The following RARB variants were observed in gnomAD, a reference collection of about 807,000 sequenced individuals.
RARB encodes the protein retinoic acid receptor beta.
Under a neutral mutation model 51.9 loss-of-function variants are expected in RARB, and 17 were observed. The observed-to-expected ratio is 0.33, with a 90% confidence interval of 0.22 to 0.49. RARB has a LOEUF of 0.49. Among genes scored for constraint, RARB ranks in the 20% least tolerant of loss-of-function variants. The pLI is 0.99. For synonymous variants in RARB, 215 were observed against 195.4 expected (o/e 1.10, Z -0.84); for missense variants, 369 against 550.8 (o/e 0.67, Z 3.30).
intron 2 of RARB, among the ~76,000 whole-genome samples, chr3:24,870,812 C>A (rs1301775969): frequency 1.2e-4 from 19 of 152,068 alleles, no homozygotes; most frequent in Admixed American, 1.2e-3. Flanking sequence ...TATAGGCATA[C>A]AATGTGTGAT....
intron 2 of RARB, among the ~76,000 whole-genome samples, chr3:25,026,479 T>A (rs754923745): frequency 6.6e-6 from 1 of 152,192 alleles, no homozygotes; most frequent in Non-Finnish European, 1.5e-5. Context: ...GTGGTCTTTT[T>A]TCCTGTGCAC....
In RARB at chr3:25,058,312, G is replaced by A. The variant is rs1698481287; in HGVS notation, c.-379-1813G>A. 3.3e-5 allele frequency among the ~76,000 whole-genome samples: 5 copies of A among 151,912 alleles called. No homozygotes were observed. The South Asian group carries it at 1.0e-3, about 31-fold the overall frequency. On this transcript the variant is annotated intron_variant, in intron 2 of 11. Transcript: ENST00000383772. ...GTATGCTTTGCTTTTGTGTGGTTGG[G>A]TTGTATAAACTCCAAGTGGTGAAAT...
chr3:25,002,704 C>CATAAATCTATATATGTGTCACATATGTAT (rs1697187751), intron 2 of RARB, among the ~76,000 whole-genome samples: 1 of 151,398 alleles, frequency 6.6e-6, no homozygotes, highest in Non-Finnish European at 1.5e-5. Flanking sequence ...CATGTATACA[C>CATAAATCTATATATGTGTCACATATGTAT]ATAAATCTAT....
intron 2 of RARB, among the ~76,000 whole-genome samples, chr3:25,474,620 A>G (rs143760555): frequency 2.0e-5 from 3 of 152,194 alleles, no homozygotes; most frequent in Non-Finnish European, 4.4e-5. Context: ...TCATGATTTC[A>G]TCAAAAACGT....
chr3:25,045,406 CTT>C (rs1344545911), intron 2 of RARB, among the ~76,000 whole-genome samples: 5 of 152,116 alleles, frequency 3.3e-5, no homozygotes, highest in Admixed American at 1.3e-4. Flanking sequence ...CGAGGTAACT[CTT>C]TGTATCTGAG....
intron 2 of RARB, among the ~76,000 whole-genome samples, chr3:24,954,435 T>C (rs1422210379): frequency 1.3e-5 from 2 of 152,172 alleles, no homozygotes; most frequent in African/African-American, 2.4e-5. Context: ...CATGGGAAAT[T>C]ACAACAAAAT....
At chr3:25,243,323 T>C (rs1174699608) in intron 5 of RARB, among the ~76,000 whole-genome samples, 1 of 152,220 alleles carries the variant, frequency 6.6e-6, no homozygotes. Flanking sequence ...CTGATTGCCC[T>C]GACCAGAACT....
rs182865062 is a variant in RARB at position 25,124,128 on chromosome 3, A to G, written c.-327-8033A>G. 3.6e-3 allele frequency among the ~76,000 whole-genome samples: 553 copies of G among 152,284 alleles called. 6 individuals are homozygous for G. Among genetic ancestry groups the G allele is most frequent in the African/African-American group, 0.013 (538 of 41,576 alleles). ...GGTGGCTCACGCCTGTAATCCTAGC[A>G]CTTTGGGAGGCCAAGGTGGGTGGAT... On this transcript the variant is annotated intron_variant, in intron 3 of 11. Transcript: ENST00000383772.
intron 2 of RARB, among the ~76,000 whole-genome samples, chr3:25,494,646 A>G (rs1696933337): frequency 2.0e-5 from 3 of 152,210 alleles, no homozygotes; most frequent in Admixed American, 2.0e-4. Context: ...CCACCTTTGT[A>G]TGCTCCAAGA....
Position 25,070,341 on chromosome 3 carries a change from G to C in RARB, c.-328+10165G>C, listed in dbSNP as rs73149153. On this transcript the variant is annotated intron_variant, in intron 3 of 11. Transcript: ENST00000383772. ...TAGGTCTTAAACCTATCTTTTGGGA[G>C]GGTAGGAGGGAAGAGCGAGTGCATA... Among the ~76,000 whole-genome samples the C allele has an allele frequency of 9.2e-3, 1,395 of 152,318 alleles. 17 individuals carry two copies. Among genetic ancestry groups the C allele is most frequent in the African/African-American group, 0.032 (1,328 of 41,564 alleles).
chr3:25,167,604 CAGA>C (rs1190307199), intron 4 of RARB, among the ~76,000 whole-genome samples: 1 of 152,118 alleles, frequency 6.6e-6, no homozygotes, highest in African/African-American at 2.4e-5. Context: ...TGTAAGTAAG[CAGA>C]AGATAAATTC....
intron 2 of RARB, among the ~76,000 whole-genome samples, chr3:24,992,914 T>A (rs1696943914): frequency 6.6e-6 from 1 of 152,216 alleles, no homozygotes; most frequent in Non-Finnish European, 1.5e-5. Context: ...ATAGATTTAT[T>A]TGAGTTTTCT....
intron 2 of RARB, among the ~76,000 whole-genome samples, chr3:24,871,908 T>G (rs1279907137): frequency 6.6e-6 from 1 of 152,180 alleles, no homozygotes; most frequent in Non-Finnish European, 1.5e-5. Flanking sequence ...TCAAAATAGA[T>G]GCGGAATCTT....
At chr3:25,333,437 T>C (rs573647904) in intron 5 of RARB, among the ~76,000 whole-genome samples, 56 of 152,310 alleles carry the variant, frequency 3.7e-4, no homozygotes, top group African/African-American at 1.3e-3. Context: ...AAGGATTCCC[T>C]ATTTAATAAA....
At chr3:25,534,300 A>G (rs773929132) in intron 3 of RARB, among the ~76,000 whole-genome samples, 18 of 152,220 alleles carry the variant, frequency 1.2e-4, no homozygotes, top group Non-Finnish European at 2.2e-4. Flanking sequence ...TTGGATGGGT[A>G]CCTATGTACC....
chr3:25,029,940 G>T (rs1697833544), intron 2 of RARB, among the ~76,000 whole-genome samples: 1 of 152,158 alleles, frequency 6.6e-6, no homozygotes, highest in South Asian at 2.1e-4. Context: ...ATGAGACAGG[G>T]CCACTGAATT....
intron 3 of RARB, among the ~76,000 whole-genome samples, chr3:25,569,061 G>T (rs572550606): frequency 1.3e-5 from 2 of 152,380 alleles, no homozygotes; most frequent in East Asian, 3.9e-4. Flanking sequence ...TGTGGGTCCA[G>T]TGTTCCAGAC....
chr3:25,172,799 G>A (rs1436254), intron 4 of RARB, among the ~76,000 whole-genome samples: 1 of 152,084 alleles, frequency 6.6e-6, no homozygotes, highest in African/African-American at 2.4e-5. Flanking sequence ...TATTTACCTA[G>A]TGTTTACTAT....
At chr3:25,026,054 A>T (rs887031472) in intron 2 of RARB, among the ~76,000 whole-genome samples, 1 of 152,180 alleles carries the variant, frequency 6.6e-6, no homozygotes, top group Non-Finnish European at 1.5e-5. Context: ...ATGGAATAGT[A>T]CAAAGTGATT....
Sources: allele counts gnomAD v4.1 joint callset (sites outside exome capture counted in the v4.1 genomes callset), GRCh38; gene constraint gnomAD v4.1.1; transcripts MANE v1.5; gene names NCBI Gene and HGNC (gene_info 2026-07-23, HGNC 2026-07-21).